Variants in CAMKMT observed in about 807,000 individuals in gnomAD.
CAMKMT encodes CaM KMT.
In CAMKMT, 53 loss-of-function variants were observed where a neutral mutation model predicts 48.0. That is an observed-to-expected ratio of 1.10 (90% CI 0.89 to 1.39). The LOEUF (loss-of-function observed/expected upper bound fraction) is 1.39. Ranked by LOEUF, CAMKMT falls within the 40% of genes most tolerant of loss-of-function variation. The pLI, the probability that CAMKMT is intolerant of heterozygous loss-of-function variation, is 0.00. For synonymous variants in CAMKMT, 165 were observed against 152.3 expected, an observed-to-expected ratio of 1.08 and a Z score of -0.61; for missense variants, 428 against 402.7, an observed-to-expected ratio of 1.06 and a Z score of -0.54.
At chr2:44,732,212 T>A (rs1460301722) in intron 7 of CAMKMT, among the ~76,000 whole-genome samples, 1 of 152,128 alleles carries the variant, frequency 6.6e-6, no homozygotes, top group Non-Finnish European at 1.5e-5. Context: ...CCTTGGCCTT[T>A]CAAAGTGCTG....
intron 3 of CAMKMT, among the ~76,000 whole-genome samples, chr2:44,582,518 C>T (rs1409274543): frequency 2.0e-5 from 3 of 152,156 alleles, no homozygotes; most frequent in Admixed American, 2.0e-4. Flanking sequence ...GTTACCTGCT[C>T]ATTGTATTTT....
chr2:44,741,647 A>G (rs962592348), intron 7 of CAMKMT, among the ~76,000 whole-genome samples: 24 of 152,356 alleles, frequency 1.6e-4, no homozygotes, highest in African/African-American at 5.5e-4. Flanking sequence ...TAGCACAGCC[A>G]TAAGCCTCAT....
At chr2:44,611,029 G>A (rs1306292413) in intron 3 of CAMKMT, among the ~76,000 whole-genome samples, 1 of 152,200 alleles carries the variant, frequency 6.6e-6, no homozygotes, top group Non-Finnish European at 1.5e-5. Flanking sequence ...AAAAGCAGGA[G>A]TGGTCCAGGG....
intron 2 of CAMKMT, among the ~76,000 whole-genome samples, chr2:44,387,927 A>G (rs1326506524): frequency 1.3e-5 from 2 of 152,132 alleles, no homozygotes; most frequent in Non-Finnish European, 2.9e-5. Flanking sequence ...TTTTCTTTAT[A>G]GGTTACCTGG....
intron 3 of CAMKMT, among the ~76,000 whole-genome samples, chr2:44,672,280 T>C (rs1675375199): frequency 6.6e-6 from 1 of 152,052 alleles, no homozygotes; most frequent in Admixed American, 6.6e-5. Flanking sequence ...TCGGGAAGAG[T>C]GCATTCCACT....
intron 3 of CAMKMT, among the ~76,000 whole-genome samples, chr2:44,407,336 C>T (rs750447986): frequency 2.6e-5 from 4 of 152,126 alleles, no homozygotes; most frequent in Non-Finnish European, 5.9e-5. Flanking sequence ...GTGGTAGGGC[C>T]TGGAGGGCTC....
chr2:44,492,645 G>A (rs907486870), intron 3 of CAMKMT, among the ~76,000 whole-genome samples: 1 of 152,058 alleles, frequency 6.6e-6, no homozygotes, highest in African/African-American at 2.4e-5. Context: ...TTGGTTTGTG[G>A]GTTGGGCCTT....
At chr2:44,676,398 A>G (rs981193786) in intron 3 of CAMKMT, among the ~76,000 whole-genome samples, 1 of 152,146 alleles carries the variant, frequency 6.6e-6, no homozygotes, top group Admixed American at 6.5e-5. Context: ...TAAAACCCAA[A>G]TGCGTTATCA....
At chr2:44,405,030 A>G (rs915750267) in intron 3 of CAMKMT, among the ~76,000 whole-genome samples, 1 of 152,114 alleles carries the variant, frequency 6.6e-6, no homozygotes, top group African/African-American at 2.4e-5. Context: ...ACAAGGGGAA[A>G]AGGGAGCATT....
chr2:44,398,143 A>T (rs1294394787), intron 3 of CAMKMT, among the ~76,000 whole-genome samples: 1 of 152,176 alleles, frequency 6.6e-6, no homozygotes, highest in Admixed American at 6.5e-5. Flanking sequence ...TAATAATCTT[A>T]ACGTCTTTAC....
chr2:44,580,513 G>A (rs562745481), intron 3 of CAMKMT, among the ~76,000 whole-genome samples: 159 of 152,236 alleles, frequency 1.0e-3, no homozygotes, highest in African/African-American at 3.7e-3. Context: ...AATCTATATT[G>A]CATGACTTTT....
At chr2:44,507,566 A>C (rs1388386543) in intron 3 of CAMKMT, among the ~76,000 whole-genome samples, 1 of 152,030 alleles carries the variant, frequency 6.6e-6, no homozygotes, top group Non-Finnish European at 1.5e-5. Context: ...GTTTGCAGTG[A>C]TCTCCTCATC....
rs533964408 is a variant in CAMKMT at position 44,388,530 on chromosome 2, C to T, written c.312-1711C>T. On this transcript the variant is annotated intron_variant, in intron 2 of 10. Coordinates refer to ENST00000378494, the MANE Select transcript of CAMKMT (RefSeq NM_024766.5). The stretch of plus-strand genomic sequence containing the variant: ...GTAAATCAGGGATTTCTTCTTGGTC[C>T]GGATCCGTTGCTGGTTAACTAGTGT... Among the ~76,000 whole-genome samples, 18 of 152,186 alleles carry T rather than the reference C, an allele frequency of 1.2e-4. No individual in the cohort carries two copies. The South Asian group carries it at 3.5e-3, about 30-fold the overall frequency.
rs569504255 is a variant in CAMKMT at position 44,719,455 on chromosome 2, C to T, written c.623+4102C>T. On this transcript the variant is annotated intron_variant, in intron 7 of 10. Transcript: ENST00000378494. ...TAGATGCTAGAGATGGAGTGGTAAA[C>T]AAGATGGAAAAGGCCGTGCCTTCTT... 5.5e-4 allele frequency among the ~76,000 whole-genome samples: 83 copies of T among 152,230 alleles called. 1 individual carries two copies. The highest frequency in any genetic ancestry group is 2.9e-5 in the Non-Finnish European group (2 of 68,022).
chr2:44,449,144 C>T (rs1340531640), intron 3 of CAMKMT, among the ~76,000 whole-genome samples: 2 of 152,078 alleles, frequency 1.3e-5, no homozygotes, highest in Non-Finnish European at 2.9e-5. Context: ...CTTAATAAAC[C>T]TGTTAAAGAC....
intron 3 of CAMKMT, among the ~76,000 whole-genome samples, chr2:44,512,946 A>G (rs1368547702): frequency 6.6e-6 from 1 of 152,220 alleles, no homozygotes; most frequent in African/African-American, 2.4e-5. Flanking sequence ...CAGTTCAGGA[A>G]AACAAAAACA....
At chr2:44,417,534 T>G (rs1250795951) in intron 3 of CAMKMT, among the ~76,000 whole-genome samples, 1 of 152,250 alleles carries the variant, frequency 6.6e-6, no homozygotes, top group Non-Finnish European at 1.5e-5. Flanking sequence ...CAAGTTTTTG[T>G]GTGTGTGGAC....
chr2:44,620,335 C>G (rs1317129315), intron 3 of CAMKMT, among the ~76,000 whole-genome samples: 1 of 152,074 alleles, frequency 6.6e-6, no homozygotes, highest in Non-Finnish European at 1.5e-5. Flanking sequence ...TTCAACCACA[C>G]TCTTATCACT....
intron 3 of CAMKMT, among the ~76,000 whole-genome samples, chr2:44,661,862 G>T (rs910134363): frequency 3.3e-5 from 5 of 152,142 alleles, no homozygotes; most frequent in Non-Finnish European, 5.9e-5. Context: ...AAATAGACAA[G>T]GTCAAGAAGT....
Sources: allele counts gnomAD v4.1 joint callset (sites outside exome capture counted in the v4.1 genomes callset), GRCh38; gene constraint gnomAD v4.1.1; transcripts MANE v1.5; gene names NCBI Gene and HGNC (gene_info 2026-07-23, HGNC 2026-07-21).